The following ESRRG variants were observed in gnomAD, a reference collection of about 807,000 sequenced individuals.
The protein encoded by ESRRG is estrogen related receptor gamma, also known as estrogen-related receptor gamma.
ESRRG carries 13 observed loss-of-function variants against 44.0 expected under a neutral mutation model. The observed-to-expected ratio is 0.30, with a 90% confidence interval of 0.19 to 0.47. ESRRG has a LOEUF of 0.47. ESRRG is among the 20% of genes least tolerant of loss of function. The pLI, the probability that ESRRG is intolerant of heterozygous loss-of-function variation, is 1.00. For missense variants in ESRRG, 395 were observed against 580.6 expected (o/e 0.68, Z 3.29); for synonymous variants, 215 against 214.6 (o/e 1.00, Z -0.02).
intron 2 of ESRRG, among the ~76,000 whole-genome samples, chr1:216,740,157 C>T (rs535451983): frequency 2.2e-4 from 34 of 152,138 alleles, no homozygotes; most frequent in Middle Eastern, 6.8e-3. Flanking sequence ...GAATGAATAC[C>T]AATTTTGTGA....
chr1:217,043,004 C>A (rs1357551675), intron 1 of ESRRG, among the ~76,000 whole-genome samples: 21 of 152,148 alleles, frequency 1.4e-4, no homozygotes, highest in South Asian at 6.2e-4. Flanking sequence ...CCCTTTATAA[C>A]CTCAAACATG....
intron 2 of ESRRG, among the ~76,000 whole-genome samples, chr1:216,729,687 G>T (rs968433525): frequency 1.3e-5 from 2 of 152,130 alleles, no homozygotes; most frequent in Non-Finnish European, 2.9e-5. Context: ...GAATTCAATT[G>T]TACATTGTTT....
In ESRRG at chr1:216,688,910, G is replaced by A. The variant is rs567468181; in HGVS notation, c.57-11419C>T. Among the ~76,000 whole-genome samples the A allele has an allele frequency of 9.6e-3, 1,453 of 152,132 alleles. 20 individuals are homozygous for A. The highest frequency in any genetic ancestry group is 0.033 in the African/African-American group (1,377 of 41,516). On this transcript the variant is annotated intron_variant, in intron 1 of 6. Transcript: ENST00000408911. Reference sequence around the variant, plus strand: ...CAGAAAGAGTGGAGAAGGGTTGGTGGAAAAACCTAGGAGAAATAGAAATGG... The same window carrying A: ...CAGAAAGAGTGGAGAAGGGTTGGTGAAAAAACCTAGGAGAAATAGAAATGG...
chr1:216,821,687 G>GAAAAAAAAAAAAAAAAA (rs1251334274), intron 2 of ESRRG, among the ~76,000 whole-genome samples: 2 of 54,196 alleles, frequency 3.7e-5, no homozygotes, highest in Non-Finnish European at 8.0e-5. Context: ...CCTGCCTCAG[G>GAAAAAAAAAAAAAAAAA]AAAAATAAAT....
intron 2 of ESRRG, among the ~76,000 whole-genome samples, chr1:216,809,345 A>C (rs2094899179): frequency 6.6e-6 from 1 of 150,816 alleles, no homozygotes; most frequent in South Asian, 2.1e-4. Flanking sequence ...AAAAAAAAAA[A>C]AACCCCATGA....
At chr1:217,111,439 C>A (rs1339946557) in intron 1 of ESRRG, among the ~76,000 whole-genome samples, 1 of 152,188 alleles carries the variant, frequency 6.6e-6, no homozygotes, top group African/African-American at 2.4e-5. Context: ...TGTAAGTTAA[C>A]AAATGGGCCA....
At chr1:216,828,024 T>A (rs1360047516) in intron 2 of ESRRG, among the ~76,000 whole-genome samples, 1 of 152,290 alleles carries the variant, frequency 6.6e-6, no homozygotes, top group Non-Finnish European at 1.5e-5. Flanking sequence ...CCTACACAAA[T>A]CATTTCCTAC....
chr1:216,813,183 G>A (rs546532030), intron 2 of ESRRG, among the ~76,000 whole-genome samples: 28 of 152,172 alleles, frequency 1.8e-4, no homozygotes, highest in Non-Finnish European at 3.2e-4. Flanking sequence ...AGATACATTC[G>A]TCTGTTAAAC....
intron 5 of ESRRG, among the ~76,000 whole-genome samples, chr1:216,532,884 C>A (rs932704992): frequency 6.6e-6 from 1 of 152,052 alleles, no homozygotes; most frequent in Non-Finnish European, 1.5e-5. Context: ...TAAATCACAA[C>A]GAGGTTGGGG....
intron 4 of ESRRG, among the ~76,000 whole-genome samples, chr1:216,565,284 T>C (rs1057205601): frequency 2.6e-5 from 4 of 152,196 alleles, no homozygotes; most frequent in Non-Finnish European, 5.9e-5. Context: ...ATGATTTTTC[T>C]TGTTGGCCCT....
At chr1:217,027,168 TC>T (rs1239719388) in intron 1 of ESRRG, among the ~76,000 whole-genome samples, 3 of 152,046 alleles carry the variant, frequency 2.0e-5, no homozygotes, top group Non-Finnish European at 1.5e-5. Context: ...AAACATACTG[TC>T]CCCAAGAACA....
intron 1 of ESRRG, among the ~76,000 whole-genome samples, chr1:217,031,371 G>A (rs2151023070): frequency 6.6e-6 from 1 of 152,244 alleles, no homozygotes; most frequent in East Asian, 1.9e-4. Flanking sequence ...AAAGGTGTTG[G>A]GAGAGAATAA....
At chr1:217,000,104 T>G (rs997717879) in intron 1 of ESRRG, 14 of 152,224 alleles carry the variant, frequency 9.2e-5, no homozygotes, top group African/African-American at 3.4e-4. Context: ...ACATGTAAAA[T>G]GTACTAAGTG....
intron 2 of ESRRG, among the ~76,000 whole-genome samples, chr1:216,853,777 C>T (rs933300470): frequency 1.3e-5 from 2 of 152,196 alleles, no homozygotes; most frequent in African/African-American, 2.4e-5. Flanking sequence ...TAGCTTTCAT[C>T]TGTTTTATTT....
intron 2 of ESRRG, among the ~76,000 whole-genome samples, chr1:216,849,350 A>T (rs143659641): frequency 7.2e-4 from 109 of 152,280 alleles, no homozygotes; most frequent in Middle Eastern, 3.4e-3. Flanking sequence ...TCTGGGGCTT[A>T]TCAACTGGAA....
chr1:216,727,228 C>T (rs1045811041), upstream of ESRRG, among the ~76,000 whole-genome samples: 1 of 152,170 alleles, frequency 6.6e-6, no homozygotes, highest in African/African-American at 2.4e-5. Context: ...AATCTTTCCT[C>T]AGGATTATAA....
rs10159105 is a variant in ESRRG at position 216,828,032 on chromosome 1, T to C, written c.-14+111550A>G. Among the ~76,000 whole-genome samples the C allele has an allele frequency of 2.1e-3, 317 of 152,308 alleles. 1 individual carries two copies. Among genetic ancestry groups the C allele is most frequent in the African/African-American group, 7.5e-3 (312 of 41,574 alleles). The stretch of plus-strand genomic sequence containing the variant: ...TAGTGTGCCTACACAAATCATTTCC[T>C]ACCATTTCATTGTTCATTATTCTCT... On this transcript the variant is annotated intron_variant, in intron 2 of 7. Coordinates refer to the ESRRG transcript ENST00000359162.
rs185985505 is a variant in ESRRG at position 216,603,744 on chromosome 1, C to T, written c.590-35646G>A. On this transcript the variant is annotated intron_variant, in intron 3 of 6. Coordinates refer to ENST00000408911, the MANE Select transcript of ESRRG (RefSeq NM_001438.4). ...AGGAGTTCAAGACCAGCCTGGCCAA[C>T]ATGGGGAAACCACGTCTCTACTAAA... Among the ~76,000 whole-genome samples, 320 of 152,176 alleles carry T rather than the reference C, an allele frequency of 2.1e-3. 3 individuals are homozygous for T. Among genetic ancestry groups the T allele is most frequent in the African/African-American group, 7.2e-3 (300 of 41,534 alleles).
At chr1:216,647,252 G>A (rs1200587394) in intron 3 of ESRRG, among the ~76,000 whole-genome samples, 1 of 152,106 alleles carries the variant, frequency 6.6e-6, no homozygotes. Context: ...GGCTTTCTCT[G>A]ACATACAGTA....
Sources: gnomAD v4.1 joint callset for allele counts (sites outside exome capture counted in the v4.1 genomes callset) on GRCh38, gnomAD v4.1.1 for gene constraint, MANE v1.5 for transcripts, NCBI Gene and HGNC (gene_info 2026-07-23, HGNC 2026-07-21) for gene names.